Variants in CACNA1C observed in about 807,000 individuals in gnomAD.
CACNA1C encodes voltage-dependent L-type calcium channel subunit alpha-1C.
Under a neutral mutation model 229.0 loss-of-function variants are expected in CACNA1C, and 30 were observed. That is an observed-to-expected ratio of 0.13 (90% confidence interval 0.10 to 0.18). The LOEUF is 0.18. Ranked by LOEUF, CACNA1C falls within the 10% of genes least tolerant of loss-of-function variation. The pLI is 1.00. For synonymous variants in CACNA1C, 1,114 were observed against 1,132.5 expected, an observed-to-expected ratio of 0.98 and a Z score of 0.33; for missense variants, 1,658 against 2,845.0, an observed-to-expected ratio of 0.58 and a Z score of 9.49.
chr12:2,176,232 C>T (rs2096640381), intron 3 of CACNA1C, among the ~76,000 whole-genome samples: 1 of 152,004 alleles, frequency 6.6e-6, no homozygotes, highest in Non-Finnish European at 1.5e-5. Flanking sequence ...AGGAGCAGGC[C>T]AGGCAGAAGG....
chr12:2,081,488 G>C (rs1434360698), intron 1 of CACNA1C, among the ~76,000 whole-genome samples: 2 of 152,014 alleles, frequency 1.3e-5, no homozygotes, highest in African/African-American at 4.8e-5. Flanking sequence ...GGAGAATGGC[G>C]TGAACCCGGG....
rs554629416 is a variant in CACNA1C, at chr12:2,067,407, G to A, written c.49+13796G>A. Among the ~76,000 whole-genome samples the A allele has an allele frequency of 2.0e-5, 3 of 151,282 alleles. No individual in the cohort carries two copies. Among genetic ancestry groups the A allele is most frequent in the Non-Finnish European group, 4.4e-5 (3 of 67,880 alleles). On this transcript the variant is annotated intron_variant, in intron 1 of 46. Transcript: ENST00000399655. The surrounding 1 kb of genome is among the most constrained non-coding windows in gnomAD (Gnocchi z 5.3). ...AAAAGCCTGGGTGGTGGAGATGGTG[G>A]CAGTTTAAGGATGTGGGCTTAGGAC...
intron 2 of CACNA1C, among the ~76,000 whole-genome samples, chr12:2,116,803 A>AT: frequency 6.6e-6 from 1 of 152,174 alleles, no homozygotes; most frequent in Non-Finnish European, 1.5e-5. Context: ...GACTGTGGGA[A>AT]TTTTTATAAT....
intron 3 of CACNA1C, among the ~76,000 whole-genome samples, chr12:2,236,459 A>G (rs11610437): frequency 0.045 from 6,863 of 152,354 alleles, 185 homozygotes; most frequent in Middle Eastern, 0.068. Flanking sequence ...GTGATCAACT[A>G]TAGTAGCAGT....
intron 9 of CACNA1C, among the ~76,000 whole-genome samples, chr12:2,521,372 G>C (rs188500479): frequency 6.6e-6 from 1 of 152,298 alleles, no homozygotes; most frequent in Admixed American, 6.5e-5. Flanking sequence ...ATAGAGAGCA[G>C]CTGTGTTCCT....
chr12:2,192,295 C>A (rs1247103719), intron 3 of CACNA1C, among the ~76,000 whole-genome samples: 9 of 152,208 alleles, frequency 5.9e-5, no homozygotes, highest in Non-Finnish European at 1.5e-5. Context: ...TCCACCTCTC[C>A]CACTTTGCTG....
intron 3 of CACNA1C, among the ~76,000 whole-genome samples, chr12:2,307,341 G>A (rs965755707): frequency 1.3e-5 from 2 of 152,196 alleles, no homozygotes; most frequent in African/African-American, 2.4e-5. Flanking sequence ...TGCTGATGTA[G>A]TTTAACCTCC....
intron 13 of CACNA1C, among the ~76,000 whole-genome samples, chr12:2,576,195 C>G (rs992756280): frequency 6.6e-6 from 1 of 152,054 alleles, no homozygotes; most frequent in African/African-American, 2.4e-5. Context: ...AACAGGGAGC[C>G]GAGTGGGTCA....
rs115633481 is a variant in CACNA1C at position 2,410,034 on chromosome 12, G to A, written c.478-38942G>A. 0.014 allele frequency among the ~76,000 whole-genome samples: 2,065 copies of A among 152,286 alleles called. 45 individuals are homozygous for A. The highest frequency in any genetic ancestry group is 0.046 in the African/African-American group (1,905 of 41,562). The stretch of plus-strand genomic sequence containing the variant: ...GCAAACAGAGGAGAATTTTCGCTCG[G>A]GGTGGGAATGAATCATCCTCACCTG... On this transcript the variant is annotated intron_variant, in intron 3 of 46. Coordinates refer to ENST00000399655, the MANE Select transcript of CACNA1C (RefSeq NM_000719.7). This position sits in a 1 kb window ranked among gnomAD's most constrained non-coding sequence, Gnocchi z 5.3.
chr12:2,123,098 C>T (rs927119976), intron 3 of CACNA1C, among the ~76,000 whole-genome samples: 9 of 152,286 alleles, frequency 5.9e-5, no homozygotes, highest in Non-Finnish European at 1.0e-4. Flanking sequence ...AAGTCTGGGC[C>T]GGGCGCAGTG....
intron 1 of CACNA1C, among the ~76,000 whole-genome samples, chr12:2,075,125 C>T (rs1366936919): frequency 2.0e-5 from 3 of 152,228 alleles, no homozygotes; most frequent in African/African-American, 7.2e-5. Flanking sequence ...CATCTTTTCA[C>T]CCCCGCTCTC....
chr12:2,485,402 A>C (rs1303903540), intron 5 of CACNA1C, among the ~76,000 whole-genome samples: 1 of 152,054 alleles, frequency 6.6e-6, no homozygotes, highest in East Asian at 1.9e-4. Context: ...CCAGTGTGTT[A>C]TTTCTGGTAT....
At chr12:2,121,880 C>T (rs1265383626) in intron 3 of CACNA1C, among the ~76,000 whole-genome samples, 2 of 152,170 alleles carry the variant, frequency 1.3e-5, no homozygotes, top group Admixed American at 6.5e-5. Context: ...ACATAGAATC[C>T]GTATCTTGTT....
intron 3 of CACNA1C, among the ~76,000 whole-genome samples, chr12:2,297,111 C>G (rs544380623): frequency 6.6e-6 from 1 of 152,236 alleles, no homozygotes; most frequent in East Asian, 1.9e-4. Flanking sequence ...GCAAAGAAAC[C>G]GCTCAGTAAT....
chr12:2,153,761 C>T (rs916759204), intron 3 of CACNA1C, among the ~76,000 whole-genome samples: 3 of 152,176 alleles, frequency 2.0e-5, no homozygotes, highest in African/African-American at 7.2e-5. Context: ...CTTTACTTTT[C>T]CTTCCTGGGA....
At position 2,403,817 on chromosome 12, in the gene CACNA1C, A is replaced by G. The variant is rs148857246; in HGVS notation, c.478-45159A>G. ...CCTTTCCCACCACAAGATGACGAAG[A>G]TGTGGTGTTGACAGACTGCTGGTGT... On this transcript the variant is annotated intron_variant, in intron 3 of 46. Coordinates refer to ENST00000399655, the MANE Select transcript of CACNA1C (RefSeq NM_000719.7). This position sits in a 1 kb window ranked among gnomAD's most constrained non-coding sequence, Gnocchi z 4.1. 6.6e-6 allele frequency among the ~76,000 whole-genome samples: 1 copy of G among 152,194 alleles called. No individual in the cohort carries two copies. The highest frequency in any genetic ancestry group is 2.4e-5 in the African/African-American group (1 of 41,534).
intron 13 of CACNA1C, among the ~76,000 whole-genome samples, chr12:2,578,638 T>C (rs1180738054): frequency 1.3e-5 from 2 of 152,146 alleles, no homozygotes; most frequent in Non-Finnish European, 2.9e-5. Context: ...ATGCAGAGTG[T>C]GAGAGAGCCA....
At chr12:2,417,729 G>A (rs564302669) in intron 3 of CACNA1C, among the ~76,000 whole-genome samples, 1 of 152,200 alleles carries the variant, frequency 6.6e-6, no homozygotes, top group South Asian at 2.1e-4. Flanking sequence ...CCTTGAAAAG[G>A]CCCTTGAGAA....
At chr12:2,304,223 GC>G (rs2094822498) in intron 3 of CACNA1C, among the ~76,000 whole-genome samples, 1 of 152,292 alleles carries the variant, frequency 6.6e-6, no homozygotes, top group Admixed American at 6.5e-5. Context: ...CCAGTGGGCT[GC>G]CAGCCGGGCG....
Sources: allele counts gnomAD v4.1 joint callset (sites outside exome capture counted in the v4.1 genomes callset), GRCh38; gene constraint gnomAD v4.1.1; non-coding constraint Gnocchi (gnomAD v3.1); transcripts MANE v1.5; gene names NCBI Gene and HGNC (gene_info 2026-07-23, HGNC 2026-07-21).